Variants in NLRC5 observed in about 807,000 individuals in gnomAD.
NLRC5 encodes NLR family CARD domain containing 5, also known as protein NLRC5.
Under a neutral mutation model 206.9 loss-of-function variants are expected in NLRC5, and 114 were observed. The ratio of observed to expected loss-of-function variants is 0.55; its 90% CI spans 0.47 to 0.64. The LOEUF is 0.64. Among genes scored for constraint, NLRC5 ranks in the 30% least tolerant of loss-of-function variants. NLRC5 has a pLI of 0.00. For synonymous variants in NLRC5, 952 were observed against 962.8 expected (o/e 0.99, Z 0.21); for missense variants, 2,008 against 2,305.5 (o/e 0.87, Z 2.64).
intron 15 of NLRC5, among the ~76,000 whole-genome samples, chr16:57,037,750 A>G (rs2062783529): frequency 6.6e-6 from 1 of 152,176 alleles, no homozygotes; most frequent in South Asian, 2.1e-4. Context: ...TCACAGACCC[A>G]GGCTCTGCCA....
In NLRC5 at chr16:57,067,750, A is replaced by T; in HGVS notation, c.4421A>T (p.Asn1474Ile). ...RLQQLSLSQV[N>I]LCEDDDASSL... is the part of the protein sequence containing the mutation. ...GACCTTTTCAGCTTGTCTCAGGTTA[A>T]CCTCTGTGAGGACGATGATGCCAGT... Residue 1474 changes from asparagine (N) to isoleucine (I), a missense_variant, in exon 36 of 49, where the codon AAC (asparagine) becomes ATC (isoleucine). By Grantham distance (149) the Asn-to-Ile change is moderately radical. Transcript: ENST00000688547. 6.2e-7 allele frequency: 1 copy of T among 1,614,038 alleles called. No homozygotes were observed. The highest frequency in any genetic ancestry group is 8.5e-7 in the Non-Finnish European group (1 of 1,179,960).
intron 1 of NLRC5, among the ~76,000 whole-genome samples, chr16:56,998,194 CTTT>C (rs201515449): frequency 9.4e-5 from 13 of 137,686 alleles, no homozygotes; most frequent in Admixed American, 2.9e-4. Flanking sequence ...TCACTGATGT[CTTT>C]TTTTTTTTTT....
At chr16:57,080,999 C>A (rs938113012) in intron 46 of NLRC5, 99 bp from the exon 47 acceptor site, 1 of 1,069,872 alleles carries the variant, frequency 9.3e-7, no homozygotes, top group Non-Finnish European at 1.4e-6. Context: ...AAACCCTTGC[C>A]CCCACGACTG....
intron 32 of NLRC5, among the ~76,000 whole-genome samples, chr16:57,063,914 A>G (rs1451063889): frequency 2.0e-5 from 3 of 151,322 alleles, no homozygotes; most frequent in Non-Finnish European, 2.9e-5. Context: ...AATGTTTTGT[A>G]TTTTTAGTAG....
chr16:57,029,895 C>T (rs755483980), intron 9 of NLRC5, 39 bp downstream of exon 9: 1 of 1,609,522 alleles, frequency 6.2e-7, no homozygotes, highest in South Asian at 1.1e-5. Flanking sequence ...CCCAGTCCCT[C>T]TCTATACCTG....
chr16:57,063,519 C>G (rs1307934662), intron 32 of NLRC5, among the ~76,000 whole-genome samples: 1 of 152,110 alleles, frequency 6.6e-6, no homozygotes, highest in South Asian at 2.1e-4. Context: ...TTCAAGTGCC[C>G]AATTGACAGT....
chr16:57,037,957 G>T (rs2062811872), intron 15 of NLRC5, among the ~76,000 whole-genome samples: 1 of 152,164 alleles, frequency 6.6e-6, no homozygotes, highest in Non-Finnish European at 1.5e-5. Context: ...AGGGGACCTT[G>T]GTTCACTGTA....
chr16:57,028,407 TC>T (rs781231564), intron 8 of NLRC5, 22 bp downstream of exon 8: 156 of 1,594,240 alleles, frequency 9.8e-5, no homozygotes, highest in Non-Finnish European at 1.2e-4. Context: ...CCAGGAGGGC[TC>T]ACTGACTGGG....
At chr16:57,061,150 G>A (rs750476138) in intron 30 of NLRC5, among the ~76,000 whole-genome samples, 4 of 152,244 alleles carry the variant, frequency 2.6e-5, no homozygotes, top group African/African-American at 4.8e-5. Flanking sequence ...AGGAGACCCT[G>A]CGGGTAAGGC....
intron 39 of NLRC5, chr16:57,076,169 A>T (rs1197906663): frequency 6.5e-6 from 1 of 154,696 alleles, no homozygotes; most frequent in Non-Finnish European, 1.4e-5. Context: ...ACCTGCCTAG[A>T]CTCCGAAAGT....
intron 48 of NLRC5, 71 bp downstream of exon 48, chr16:57,081,681 C>T: frequency 1.3e-5 from 18 of 1,363,240 alleles, no homozygotes; most frequent in Non-Finnish European, 1.9e-5. Flanking sequence ...AATGGGACTC[C>T]CTGGAGGAGG....
At chr16:57,073,693 A>C (rs1482441602) in intron 38 of NLRC5, among the ~76,000 whole-genome samples, 1 of 152,216 alleles carries the variant, frequency 6.6e-6, no homozygotes, top group Non-Finnish European at 1.5e-5. Flanking sequence ...TCCCGGGTTC[A>C]AGCAACCCTC....
At chr16:57,078,661 G>T (rs1287184722) in intron 43 of NLRC5, among the ~76,000 whole-genome samples, 1 of 151,884 alleles carries the variant, frequency 6.6e-6, no homozygotes, top group East Asian at 1.9e-4. Context: ...AGTAGAGACG[G>T]CATTTCACCA....
At chr16:57,029,353 G>C (rs1374504476) in intron 8 of NLRC5, among the ~76,000 whole-genome samples, 1 of 152,188 alleles carries the variant, frequency 6.6e-6, no homozygotes, top group African/African-American at 2.4e-5. Context: ...GCTTGGCTCA[G>C]GGCTCTGGGT....
chr16:57,054,307 G>A (rs1341399577), intron 24 of NLRC5, among the ~76,000 whole-genome samples: 1 of 152,130 alleles, frequency 6.6e-6, no homozygotes, highest in Non-Finnish European at 1.5e-5. Flanking sequence ...TAGTGCTAAG[G>A]TTTAAAAACT....
Position 57,079,146 on chromosome 16 carries a change from T to A in NLRC5, c.5165+13T>A. 1 of 1,614,104 alleles carries A rather than the reference T, an allele frequency of 6.2e-7. No individual in the cohort carries two copies. Among genetic ancestry groups the A allele is most frequent in the African/African-American group, 1.3e-5 (1 of 75,066 alleles). On this transcript the variant is annotated intron_variant, in intron 44 of 48. Coordinates refer to ENST00000688547, the MANE Select transcript of NLRC5 (RefSeq NM_001384950.1). ...TGGAAGAGATCAGGTAAGTAGGGGC[T>A]GCCCAGCCCAGGCACGGGGACAGTC...
chr16:57,012,435 A>G (rs1435182244), intron 1 of NLRC5, among the ~76,000 whole-genome samples: 1 of 152,210 alleles, frequency 6.6e-6, no homozygotes, highest in Admixed American at 6.5e-5. Context: ...AGGGGTCCCC[A>G]ACCCCCAGGC....
intron 38 of NLRC5, among the ~76,000 whole-genome samples, chr16:57,071,315 T>C (rs1597441447): frequency 1.0e-5 from 1 of 97,430 alleles, no homozygotes; most frequent in East Asian, 3.5e-4. Flanking sequence ...GTGGTGATGG[T>C]TGGTTAATGG....
intron 1 of NLRC5, among the ~76,000 whole-genome samples, chr16:57,009,443 A>G (rs946681668): frequency 1.3e-5 from 2 of 151,888 alleles, no homozygotes; most frequent in South Asian, 2.1e-4. Flanking sequence ...AATACAAAAA[A>G]TGAGCTGGGC....
Sources: gnomAD v4.1 joint callset for allele counts (sites outside exome capture counted in the v4.1 genomes callset) on GRCh38, gnomAD v4.1.1 for gene constraint, MANE v1.5 for transcripts, NCBI Gene and HGNC (gene_info 2026-07-23, HGNC 2026-07-21) for gene names.